TNFRSF13B: variants seen among roughly 807,000 people sequenced by gnomAD.
TNFRSF13B encodes the protein tumor necrosis factor receptor superfamily member 13B.
TNFRSF13B carries 34 observed loss-of-function variants against 24.0 expected under a neutral mutation model. The ratio of observed to expected loss-of-function variants is 1.41; its 90% confidence interval spans 1.08 to 1.88. TNFRSF13B has a LOEUF of 1.88. TNFRSF13B is among the 40% of genes most tolerant of loss of function. The probability of loss-of-function intolerance (pLI) is 0.00; values close to 1 mark genes in which losing one functional copy is unlikely to be tolerated. For synonymous variants in TNFRSF13B, 173 were observed against 150.3 expected, an observed-to-expected ratio of 1.15 and a Z score of -1.10; for missense variants, 415 against 380.8, an observed-to-expected ratio of 1.09 and a Z score of -0.75.
At chr17:16,963,209 C>T (rs1355651879) in intron 1 of TNFRSF13B, among the ~76,000 whole-genome samples, 1 of 152,204 alleles carries the variant, frequency 6.6e-6, no homozygotes, top group East Asian at 1.9e-4. Flanking sequence ...TGGTATTGAG[C>T]ACGTTAGTAA....
rs1325320716 is a variant in TNFRSF13B, at chr17:16,939,128, G to A, written c.*419C>T. 3 of 164,794 alleles carry A rather than the reference G, an allele frequency of 1.8e-5. No homozygotes were observed. The highest frequency in any genetic ancestry group is 3.9e-5 in the Non-Finnish European group (3 of 76,604). 10.2% of individuals were successfully genotyped at this position (164,794 alleles called of 1,614,324 possible). A position where few individuals can be genotyped will look rare whatever the true frequency, so the allele number is the denominator to read the frequency against. ...AAGGTTTTATTCTCCAGGAGGAGGG[G>A]CTCTCGGGGGCTGTGAGCAGCAGGC... is the stretch of plus-strand genomic sequence containing the variant. On this transcript the variant is annotated 3_prime_UTR_variant, in exon 5 of 5. Transcript: ENST00000261652.
chr17:16,949,671 C>G (rs2087574529), intron 2 of TNFRSF13B, among the ~76,000 whole-genome samples: 1 of 151,674 alleles, frequency 6.6e-6, no homozygotes, highest in Admixed American at 6.6e-5. Context: ...TATCTAAAGT[C>G]TCAGAATATT....
rs200924433 is a variant in TNFRSF13B at position 16,939,616 on chromosome 17, G to A, written c.813C>T (p.Cys271=). ...CHTRTTVLQP[C]PHIPDSGLGI... ...CAAGGCCACTGTCTGGGATGTGTGG[G>A]CAAGGCTGCAGGACTGTGGTCCTGG... Residue 271 remains cysteine (C), a synonymous_variant, in exon 5 of 5, where the codon TGC becomes TGT. Coordinates refer to ENST00000261652, the MANE Select transcript of TNFRSF13B (RefSeq NM_012452.3). The A allele has an allele frequency of 2.5e-6, 4 of 1,613,592 alleles. No individual in the cohort carries two copies. The highest frequency in any genetic ancestry group is 3.4e-6 in the Non-Finnish European group (4 of 1,179,718).
chr17:16,965,093 T>C (rs75732387), intron 1 of TNFRSF13B, among the ~76,000 whole-genome samples: 3,590 of 152,124 alleles, frequency 0.024, 153 homozygotes, highest in African/African-American at 0.083. Context: ...GTAAAATAAT[T>C]TTAATATTAG....
chr17:16,966,266 A>AC lies in TNFRSF13B; in HGVS notation c.61+5748dup, dbSNP rs1292816897. Among the ~76,000 whole-genome samples the AC allele has an allele frequency of 3.3e-3, 499 of 151,102 alleles. 1 individual carries two copies. The highest frequency in any genetic ancestry group is 0.012 in the African/African-American group (477 of 41,050). On this transcript the variant is annotated intron_variant, in intron 1 of 4. Transcript: ENST00000261652. ...GAGACTCCATCTCAAAAAAAAAAAC[A>AC]CCAAAAAAACAAAAACAAAAAACGA...
chr17:16,942,738 C>G (rs1290046800), intron 3 of TNFRSF13B, among the ~76,000 whole-genome samples: 1 of 152,224 alleles, frequency 6.6e-6, no homozygotes, highest in African/African-American at 2.4e-5. Context: ...AGGAGGAAAA[C>G]TAAACATTTG....
At chr17:16,968,737 C>A (rs947930734) in intron 1 of TNFRSF13B, among the ~76,000 whole-genome samples, 2 of 152,048 alleles carry the variant, frequency 1.3e-5, no homozygotes, top group African/African-American at 4.8e-5. Context: ...TGTTCCAAAG[C>A]AAATCATGAA....
At chr17:16,946,407 G>A (rs1267752007) in intron 3 of TNFRSF13B, among the ~76,000 whole-genome samples, 1 of 152,050 alleles carries the variant, frequency 6.6e-6, no homozygotes, top group East Asian at 1.9e-4. Context: ...AGCAGGGCAG[G>A]TGCAAAAAGA....
intron 1 of TNFRSF13B, among the ~76,000 whole-genome samples, chr17:16,954,011 C>T (rs1385308692): frequency 1.3e-5 from 2 of 152,200 alleles, no homozygotes; most frequent in Non-Finnish European, 2.9e-5. Context: ...GTGATCCGCC[C>T]GAGTCGGCCT....
Position 16,939,144 on chromosome 17 carries a change from A to C in TNFRSF13B, c.*403T>G. 1.2e-5 allele frequency: 2 copies of C among 169,182 alleles called. No homozygotes were observed. Among genetic ancestry groups the C allele is most frequent in the Non-Finnish European group, 2.5e-5 (2 of 79,344 alleles). 10.5% of individuals were successfully genotyped at this position (169,182 alleles called of 1,614,324 possible). ...GGAGGAGGGGCTCTCGGGGGCTGTG[A>C]GCAGCAGGCACGAGGACTTTATTGC... is the stretch of plus-strand genomic sequence containing the variant. On this transcript the variant is annotated 3_prime_UTR_variant, in exon 5 of 5. Transcript: ENST00000261652.
intron 1 of TNFRSF13B, among the ~76,000 whole-genome samples, chr17:16,957,445 A>G (rs1328461558): frequency 6.6e-6 from 1 of 152,150 alleles, no homozygotes; most frequent in African/African-American, 2.4e-5. Context: ...TTGAAGGAAT[A>G]ATGGCCCCAA....
At chr17:16,958,733 A>G (rs554771288) in intron 1 of TNFRSF13B, among the ~76,000 whole-genome samples, 2 of 152,204 alleles carry the variant, frequency 1.3e-5, no homozygotes, top group East Asian at 1.9e-4. Flanking sequence ...AGGACAATAT[A>G]TATTAATAAA....
At chr17:16,940,540 C>G in intron 3 of TNFRSF13B, 29 bp from the exon 4 acceptor site, 1 of 1,607,926 alleles carries the variant, frequency 6.2e-7, no homozygotes, top group Non-Finnish European at 8.5e-7. Flanking sequence ...CCCCTCTCTG[C>G]AGTGCCTTCT....
chr17:16,958,659 G>A (rs1347532063), intron 1 of TNFRSF13B, among the ~76,000 whole-genome samples: 2 of 151,838 alleles, frequency 1.3e-5, no homozygotes, highest in Admixed American at 6.6e-5. Flanking sequence ...AGAGAGCTGG[G>A]GCAGCTATAC....
intron 3 of TNFRSF13B, among the ~76,000 whole-genome samples, chr17:16,941,665 T>TGGCTTTTAG (rs1260264654): frequency 6.6e-6 from 1 of 152,212 alleles, no homozygotes; most frequent in Non-Finnish European, 1.5e-5. Flanking sequence ...GTACAACCAG[T>TGGCTTTTAG]GGCTTTTAGC....
intron 3 of TNFRSF13B, among the ~76,000 whole-genome samples, chr17:16,944,379 T>C (rs1597658990): frequency 6.6e-6 from 1 of 152,160 alleles, no homozygotes; most frequent in East Asian, 1.9e-4. Flanking sequence ...TTCTCCCAAA[T>C]CACCCTCACA....
chr17:16,952,604 G>C, intron 1 of TNFRSF13B, 21 bp from the exon 2 acceptor site: 1 of 1,614,140 alleles, frequency 6.2e-7, no homozygotes, highest in Non-Finnish European at 8.5e-7. Flanking sequence ...AGGAGAGTGA[G>C]GGCAGCTGGC....
At chr17:16,967,661 A>G (rs1364889760) in intron 1 of TNFRSF13B, among the ~76,000 whole-genome samples, 1 of 146,614 alleles carries the variant, frequency 6.8e-6, no homozygotes, top group African/African-American at 2.5e-5. Context: ...CTGAGGCAGG[A>G]GAATGGCGTG....
intron 1 of TNFRSF13B, among the ~76,000 whole-genome samples, chr17:16,967,770 A>AAAAAAAAAAAAAAAAAAAAAAG (rs1567657178): frequency 6.8e-6 from 1 of 146,606 alleles, no homozygotes; most frequent in African/African-American, 2.6e-5. Context: ...AAAAAAAAAA[A>AAAAAAAAAAAAAAAAAAAAAAG]AAGAAAGAAA....
Sources: gnomAD v4.1 joint callset for allele counts (sites outside exome capture counted in the v4.1 genomes callset) on GRCh38, gnomAD v4.1.1 for gene constraint, MANE v1.5 for transcripts, NCBI Gene and HGNC (gene_info 2026-07-23, HGNC 2026-07-21) for gene names.